The following SLC44A5 variants were observed in gnomAD, a reference collection of about 807,000 sequenced individuals.
SLC44A5 encodes the protein choline transporter-like protein 5.
Under a neutral mutation model 101.8 loss-of-function variants are expected in SLC44A5, and 57 were observed. That is an observed-to-expected ratio of 0.56 (90% CI 0.45 to 0.70). The LOEUF (loss-of-function observed/expected upper bound fraction) is 0.70, where lower values mean the gene tolerates loss of function less well. Among genes scored for constraint, SLC44A5 ranks in the 30% least tolerant of loss-of-function variants. The pLI is 0.00. For synonymous variants in SLC44A5, 281 were observed against 290.9 expected (o/e 0.97, Z 0.35); for missense variants, 737 against 853.1 (o/e 0.86, Z 1.70).
At chr1:75,369,697 A>C (rs1660100830) in intron 3 of SLC44A5, among the ~76,000 whole-genome samples, 1 of 152,190 alleles carries the variant, frequency 6.6e-6, no homozygotes, top group Non-Finnish European at 1.5e-5. Flanking sequence ...TAATTTATTA[A>C]ATCTATTTTT....
At chr1:75,438,663 G>A (rs930927384) in intron 2 of SLC44A5, among the ~76,000 whole-genome samples, 4 of 152,094 alleles carry the variant, frequency 2.6e-5, no homozygotes, top group African/African-American at 9.7e-5. Context: ...ATACCTCAAA[G>A]AGGCTACAAT....
At chr1:75,313,852 A>T (rs552908690) in intron 4 of SLC44A5, among the ~76,000 whole-genome samples, 1 of 152,304 alleles carries the variant, frequency 6.6e-6, no homozygotes, top group South Asian at 2.1e-4. Context: ...AATCAGAAAA[A>T]CAAGATCAAG....
chr1:75,221,740 C>T (rs1647085866), intron 14 of SLC44A5, among the ~76,000 whole-genome samples: 1 of 152,104 alleles, frequency 6.6e-6, no homozygotes, highest in African/African-American at 2.4e-5. Context: ...AGCACTTTAT[C>T]ACTTACTTTC....
At chr1:75,657,869 C>T in the SLC44A5 span, among the ~76,000 whole-genome samples, 1 of 152,014 alleles carries the variant, frequency 6.6e-6, no homozygotes, top group Non-Finnish European at 1.5e-5. Flanking sequence ...TGTTATTATC[C>T]CTCTATTAGT....
At chr1:75,659,522 C>A in the SLC44A5 span, among the ~76,000 whole-genome samples, 47,748 of 99,770 alleles carry the variant, frequency 0.48, 13,197 homozygotes, top group Middle Eastern at 0.67. Flanking sequence ...GGCAGGCAGG[C>A]AGGCAGGGAA....
rs887320173 is a variant in SLC44A5 at position 75,320,140 on chromosome 1, T to G, written c.101+19442A>C. Among the ~76,000 whole-genome samples, 6 of 152,174 alleles carry G rather than the reference T, an allele frequency of 3.9e-5. 1 individual carries two copies. The highest frequency in any genetic ancestry group is 3.9e-4 in the Admixed American group (6 of 15,272). On this transcript the variant is annotated intron_variant, in intron 4 of 23. Transcript: ENST00000370859. ...GAATGTAGGACGTCTAAGCTTATAG[T>G]GTAATATGGTTTACACAGAAGCGTA...
chr1:75,231,876 T>C (rs1287171926), intron 12 of SLC44A5, among the ~76,000 whole-genome samples: 1 of 152,198 alleles, frequency 6.6e-6, no homozygotes, highest in African/African-American at 2.4e-5. Flanking sequence ...AATTGTTCCA[T>C]TGCTGTTCAT....
chr1:75,635,931 A>T, the SLC44A5 span, among the ~76,000 whole-genome samples: 1 of 151,974 alleles, frequency 6.6e-6, no homozygotes, highest in African/African-American at 2.4e-5. Context: ...AACTTGTTTA[A>T]ATTTATGGGG....
chr1:75,305,808 T>C (rs1030096181), intron 4 of SLC44A5, among the ~76,000 whole-genome samples: 2 of 151,028 alleles, frequency 1.3e-5, no homozygotes, highest in African/African-American at 4.9e-5. Context: ...TAAAATCCTA[T>C]CCTTCAAGTC....
At chr1:75,687,934 ATG>A in the SLC44A5 span, among the ~76,000 whole-genome samples, 4 of 152,092 alleles carry the variant, frequency 2.6e-5, no homozygotes, top group African/African-American at 9.7e-5. Context: ...AGCAGTTGTT[ATG>A]TCTCACTTTG....
At chr1:75,616,370 C>G in the SLC44A5 span, among the ~76,000 whole-genome samples, 2 of 152,176 alleles carry the variant, frequency 1.3e-5, no homozygotes, top group Non-Finnish European at 2.9e-5. Context: ...CTGGGGGGCG[C>G]GGAGAGACCG....
chr1:75,632,745 T>C, the SLC44A5 span, among the ~76,000 whole-genome samples: 1 of 152,180 alleles, frequency 6.6e-6, no homozygotes, highest in Non-Finnish European at 1.5e-5. Context: ...TAGAGCCAAA[T>C]TGCTTATGTT....
chr1:75,420,095 C>G (rs1048668068), intron 2 of SLC44A5, among the ~76,000 whole-genome samples: 1 of 152,060 alleles, frequency 6.6e-6, no homozygotes, highest in African/African-American at 2.4e-5. Context: ...GGAGAAATGG[C>G]TCATCCCTTC....
At chr1:75,321,334 T>A (rs1311155846) in intron 4 of SLC44A5, among the ~76,000 whole-genome samples, 1 of 152,176 alleles carries the variant, frequency 6.6e-6, no homozygotes, top group Non-Finnish European at 1.5e-5. Flanking sequence ...GAAATTTATT[T>A]ATCACAGTGC....
chr1:75,679,639 T>C, the SLC44A5 span, among the ~76,000 whole-genome samples: 29 of 152,066 alleles, frequency 1.9e-4, no homozygotes, highest in African/African-American at 5.5e-4. Flanking sequence ...GAACAACTGG[T>C]ACCAGCCGCT....
chr1:75,210,936 G>A (rs923066026), intron 23 of SLC44A5, among the ~76,000 whole-genome samples: 1 of 152,128 alleles, frequency 6.6e-6, no homozygotes, highest in African/African-American at 2.4e-5. Flanking sequence ...GGTGTGTAAT[G>A]TTTTGATATA....
intron 2 of SLC44A5, among the ~76,000 whole-genome samples, chr1:75,450,169 T>TGAA (rs1665825271): frequency 6.6e-6 from 1 of 151,764 alleles, no homozygotes. Context: ...TAAAAGCGAG[T>TGAA]GAAGCTCCAG....
intron 4 of SLC44A5, among the ~76,000 whole-genome samples, chr1:75,325,830 G>T (rs977840819): frequency 5.3e-5 from 8 of 149,738 alleles, no homozygotes; most frequent in Non-Finnish European, 7.4e-5. Context: ...TCAAATTTCA[G>T]ATTTGGGAAT....
At chr1:75,680,249 G>A in the SLC44A5 span, among the ~76,000 whole-genome samples, 1 of 151,500 alleles carries the variant, frequency 6.6e-6, no homozygotes, top group African/African-American at 2.4e-5. Context: ...ACTCAGCTCT[G>A]CACCAAGCGG....
Sources: gnomAD v4.1 joint callset for allele counts (sites outside exome capture counted in the v4.1 genomes callset) on GRCh38, gnomAD v4.1.1 for gene constraint, MANE v1.5 for transcripts, NCBI Gene and HGNC (gene_info 2026-07-23, HGNC 2026-07-21) for gene names.